KRT7: variants seen among roughly 807,000 people sequenced by gnomAD.
The protein encoded by KRT7 is keratin 7.
In KRT7, 50 loss-of-function variants were observed where a neutral mutation model predicts 42.8. The observed-to-expected ratio is 1.17, with a 90% CI of 0.93 to 1.48. The LOEUF is 1.48. Among genes scored for constraint, KRT7 ranks in the 40% most tolerant of loss-of-function variants. The pLI is 0.00. For synonymous variants in KRT7, 268 were observed against 266.3 expected (o/e 1.01, Z -0.06); for missense variants, 588 against 637.6 (o/e 0.92, Z 0.84).
downstream of KRT7, chr12:52,254,318 A>C (rs1241543828): frequency 1.0e-6 from 1 of 983,316 alleles, no homozygotes; most frequent in East Asian, 3.2e-5. Flanking sequence ...CAGGGCCTCC[A>C]CGTTGGCCTC....
intron 3 of KRT7, 159 bp downstream of exon 3, chr12:52,237,728 G>A (rs1592389966): frequency 6.3e-6 from 1 of 158,770 alleles, no homozygotes; most frequent in South Asian, 1.3e-4. Flanking sequence ...GTGCGTGTAT[G>A]TGTGTGTGTG....
downstream of KRT7, chr12:52,252,117 G>A: frequency 9.0e-7 from 1 of 1,108,126 alleles, no homozygotes; most frequent in Non-Finnish European, 1.3e-6. Context: ...GGTGAAATCT[G>A]TTTAACCTGC....
intron 7 of KRT7, 86 bp from the exon 8 acceptor site, chr12:52,248,091 T>C (rs1206529248): frequency 1.6e-6 from 2 of 1,278,110 alleles, no homozygotes; most frequent in African/African-American, 2.9e-5. Context: ...ATGATCCTGC[T>C]TGGGGCCTGG....
In KRT7 at chr12:52,233,430, C is replaced by A; in HGVS notation, c.134C>A (p.Ser45Ter). ...AGCAGCCTCTACGGCCTCGGCGCCT[C>A]ACGGCCGCGCGTGGCCGTGCGCTCT... Reference protein sequence around the residue: ...GSSSLYGLGASRPRVAVRSAY... With the variant: ...GSSSLYGLGA Residue 45 changes from serine to a stop codon, truncating the protein, a stop_gained, in exon 1 of 9, where the codon TCA (serine) becomes TAA (stop). Coordinates refer to ENST00000331817, the MANE Select transcript of KRT7 (RefSeq NM_005556.4). LOFTEE classifies it high-confidence loss of function. 1 of 1,558,880 alleles carries A rather than the reference C, an allele frequency of 6.4e-7. No individual in the cohort carries two copies. The highest frequency in any genetic ancestry group is 8.6e-7 in the Non-Finnish European group (1 of 1,160,226).
chr12:52,248,003 C>T (rs1345680744), intron 7 of KRT7, 174 bp from the exon 8 acceptor site: 1 of 654,944 alleles, frequency 1.5e-6, no homozygotes, highest in Non-Finnish European at 2.7e-6. Context: ...AAGGTGAACA[C>T]TCCCTTCCTG....
chr12:52,235,199 G>A lies in KRT7; in HGVS notation c.369G>A (p.Trp123Ter). The A allele has an allele frequency of 6.2e-7, 1 of 1,614,164 alleles. No homozygotes were observed. The highest frequency in any genetic ancestry group is 1.3e-5 in the African/African-American group (1 of 75,064). ...AGAACAAGCTGCTGGAGACCAAGTGGACGCTGCTGCAGGAGCAGAAGTCGG... is the reference window on the plus strand; with the variant it reads ...AGAACAAGCTGCTGGAGACCAAGTGAACGCTGCTGCAGGAGCAGAAGTCGG... ...EQQNKLLETK[W>*]TLLQEQKSAK... Residue 123 changes from tryptophan to a stop codon, truncating the protein, a stop_gained, in exon 2 of 9, where the codon TGG (tryptophan) becomes TGA (stop). Transcript: ENST00000331817. LOFTEE classifies it high-confidence loss of function.
Position 52,241,634 on chromosome 12 carries a change from A to G in KRT7, c.856A>G (p.Lys286Glu), listed in dbSNP as rs764547271. ...RAEAEAWYQT[K>E]FETLQAQAGK... ...TGAGGCTGAAGCCTGGTACCAGACC[A>G]AGGTGTGAGGCCACCAGGGGCGTAT... is the stretch of plus-strand genomic sequence containing the variant. The change falls in exon 5 of 9, where the codon AAG (lysine) becomes GAG (glutamate). Residue 286 changes from lysine (K) to glutamate (E), a missense_variant and splice_region_variant. Transcript: ENST00000331817. The G allele has an allele frequency of 8.7e-6, 14 of 1,607,744 alleles. No individual in the cohort carries two copies. The Admixed American group carries it at 2.3e-4, about 27-fold the overall frequency.
chr12:52,243,925 CTGGCACA>C (rs1247045574), intron 6 of KRT7, among the ~76,000 whole-genome samples: 1 of 152,256 alleles, frequency 6.6e-6, no homozygotes, highest in Non-Finnish European at 1.5e-5. Flanking sequence ...CTTCCAGCAC[CTGGCACA>C]TGGCAGGGGC....
At chr12:52,244,203 G>T (rs1942136373) in intron 6 of KRT7, among the ~76,000 whole-genome samples, 2 of 152,226 alleles carry the variant, frequency 1.3e-5, no homozygotes, top group African/African-American at 2.4e-5. Context: ...GAGCCCTGTG[G>T]GCCTGTTTAC....
Position 52,245,547 on chromosome 12 carries a change from G to T in KRT7, c.1120G>T (p.Glu374Ter). The T allele has an allele frequency of 1.2e-6, 2 of 1,614,194 alleles. No homozygotes were observed. The highest frequency in any genetic ancestry group is 1.7e-6 in the Non-Finnish European group (2 of 1,180,042). The change falls in exon 7 of 9, where the codon GAG (glutamate) becomes TAG (stop). Residue 374 changes from glutamate to a stop codon, truncating the protein, a stop_gained. Transcript: ENST00000331817. LOFTEE classifies it high-confidence loss of function. ...GCAGGATATGGCACGGCAGCTGCGT[G>T]AGTACCAGGAACTCATGAGCGTGAA... ...GKQDMARQLR[E>*]YQELMSVKLA...
At chr12:52,253,476 A>G, downstream of KRT7, 1 of 1,540,650 alleles carries the variant, frequency 6.5e-7, no homozygotes, top group East Asian at 2.3e-5. Context: ...CCCCAACCTC[A>G]GAGAGGCAGC....
Position 52,245,651 on chromosome 12 carries a change from G to T in KRT7, c.1205+19G>T. ...AGAGCCGGTGAGGACAAGGAACCTG[G>T]AAAGGGGATGCTTCTAGGGCTCCGT... is the stretch of plus-strand genomic sequence containing the variant. On this transcript the variant is annotated intron_variant, in intron 7 of 8. Coordinates refer to ENST00000331817, the MANE Select transcript of KRT7 (RefSeq NM_005556.4). The T allele has an allele frequency of 6.2e-7, 1 of 1,612,806 alleles. No homozygotes were observed. Among genetic ancestry groups the T allele is most frequent in the Non-Finnish European group, 8.5e-7 (1 of 1,179,928 alleles).
At chr12:52,252,615 G>A, downstream of KRT7, 3 of 1,112,542 alleles carry the variant, frequency 2.7e-6, no homozygotes, top group Admixed American at 2.6e-5. Context: ...GCAAATTAGT[G>A]CTCCCAGGCA....
Position 52,235,372 on chromosome 12 carries a change from G to C in KRT7, c.536+6G>C. ...GTGGAGGACTTCAAGAATAAGTAAT[G>C]CCCCCTGTGCCACATGCGAAGACCC... On this transcript the variant is annotated splice_donor_region_variant and intron_variant, in intron 2 of 8. Transcript: ENST00000331817. The C allele has an allele frequency of 6.3e-7, 1 of 1,598,722 alleles. No homozygotes were observed. The highest frequency in any genetic ancestry group is 8.5e-7 in the Non-Finnish European group (1 of 1,171,228).
rs970174886 is a variant in KRT7 at position 52,233,475 on chromosome 12, G to C, written c.179G>C (p.Gly60Ala). Reference sequence around the variant, plus strand: ...CGCTCTGCCTATGGGGGCCCGGTGGGCGCCGGCATCCGCGAGGTCACCATT... The same window carrying C: ...CGCTCTGCCTATGGGGGCCCGGTGGCCGCCGGCATCCGCGAGGTCACCATT... ...AVRSAYGGPVGAGIREVTINQ... is the reference protein window; with the variant it reads ...AVRSAYGGPVAAGIREVTINQ... Residue 60 changes from glycine (G) to alanine (A), a missense_variant, in exon 1 of 9, where the codon GGC (glycine) becomes GCC (alanine). Physicochemically the swap from Gly to Ala is moderately conservative, Grantham distance 60. Coordinates refer to ENST00000331817, the MANE Select transcript of KRT7 (RefSeq NM_005556.4). The C allele has an allele frequency of 4.3e-6, 7 of 1,609,694 alleles. No homozygotes were observed. In the African/African-American group the frequency reaches 9.4e-5, roughly 22 times the overall value.
At chr12:52,235,058 A>T in intron 1 of KRT7, 97 bp from the exon 2 acceptor site, 3 of 1,150,774 alleles carry the variant, frequency 2.6e-6, no homozygotes, top group Non-Finnish European at 3.8e-6. Context: ...CAGGGGGAGC[A>T]TGGCTCTGCT....
chr12:52,245,658 G>C (rs1368507096), intron 7 of KRT7, 26 bp downstream of exon 7: 1 of 1,612,372 alleles, frequency 6.2e-7, no homozygotes, highest in East Asian at 2.2e-5. Flanking sequence ...CTGGAAAGGG[G>C]ATGCTTCTAG....
intron 7 of KRT7, among the ~76,000 whole-genome samples, chr12:52,246,813 A>G (rs1592396236): frequency 6.6e-6 from 1 of 151,996 alleles, no homozygotes; most frequent in East Asian, 1.9e-4. Flanking sequence ...ATTCTCTACA[A>G]CCCATACCCT....
chr12:52,233,421 T>C lies in KRT7; in HGVS notation c.125T>C (p.Leu42Pro). 6.4e-7 allele frequency: 1 copy of C among 1,555,528 alleles called. No individual in the cohort carries two copies. The highest frequency in any genetic ancestry group is 8.6e-7 in the Non-Finnish European group (1 of 1,158,520). ...GGLGSSSLYG[L>P]GASRPRVAVR... ...CTTGGCAGCAGCAGCCTCTACGGCC[T>C]CGGCGCCTCACGGCCGCGCGTGGCC... Residue 42 changes from leucine (L) to proline (P), a missense_variant, in exon 1 of 9, where the codon CTC (leucine) becomes CCC (proline). Physicochemically the swap from Leu to Pro is moderately conservative, Grantham distance 98. Transcript: ENST00000331817.
Sources: allele counts gnomAD v4.1 joint callset (sites outside exome capture counted in the v4.1 genomes callset), GRCh38; gene constraint gnomAD v4.1.1; transcripts MANE v1.5; gene names NCBI Gene and HGNC (gene_info 2026-07-23, HGNC 2026-07-21).